Variants in LRRC75A observed in about 807,000 individuals in gnomAD.
The protein encoded by LRRC75A is leucine-rich repeat-containing protein 75A.
Under a neutral mutation model 26.0 loss-of-function variants are expected in LRRC75A, and 12 were observed. The ratio of observed to expected loss-of-function variants is 0.46; its 90% CI spans 0.30 to 0.75. The LOEUF is 0.75. LRRC75A is among the 30% of genes least tolerant of loss of function. The probability of loss-of-function intolerance (pLI) is 0.08; values close to 1 mark genes in which losing one functional copy is unlikely to be tolerated. For missense variants in LRRC75A, 410 were observed against 486.6 expected (o/e 0.84, Z 1.48); for synonymous variants, 223 against 219.3 (o/e 1.02, Z -0.15).
At chr17:16,471,943 G>C (rs887233015) in intron 1 of LRRC75A, among the ~76,000 whole-genome samples, 17 of 152,188 alleles carry the variant, frequency 1.1e-4, no homozygotes, top group African/African-American at 4.1e-4. Flanking sequence ...GGTGGGGACA[G>C]GGTTTCAGTT....
At chr17:16,444,309 C>T (rs747008421) in intron 3 of LRRC75A, among the ~76,000 whole-genome samples, 178 bp from the exon 4 acceptor site, 5 of 152,242 alleles carry the variant, frequency 3.3e-5, no homozygotes, top group African/African-American at 7.2e-5. Context: ...TCCCCTGACA[C>T]TGCCGCACGT....
chr17:16,491,919 G>A lies in LRRC75A; in HGVS notation c.72C>T (p.Arg24=). ...ASPGAAPGPR[R]ERPDFWASLL... ...GCGACGCCCAGAAGTCCGGCCGTTCGCGTCGGGGGCCCGGCGCGGCGCCGG... is the reference window on the plus strand; with the variant it reads ...GCGACGCCCAGAAGTCCGGCCGTTCACGTCGGGGGCCCGGCGCGGCGCCGG... Residue 24 remains arginine (R), a synonymous_variant, in exon 1 of 4, where the codon CGC becomes CGT. Coordinates refer to ENST00000470794, the MANE Select transcript of LRRC75A (RefSeq NM_001113567.3). The surrounding 1 kb of genome is among the most constrained non-coding windows in gnomAD (Gnocchi z 5.9). The A allele has an allele frequency of 7.9e-7, 1 of 1,259,854 alleles. No individual in the cohort carries two copies. The highest frequency in any genetic ancestry group is 9.9e-7 in the Non-Finnish European group (1 of 1,005,776). The allele number at this position is 1,259,854 out of a possible 1,614,324, so 78.0% of individuals were successfully genotyped here. A position where few individuals can be genotyped will look rare whatever the true frequency, so the allele number is the denominator to read the frequency against.
chr17:16,474,358 AT>A (rs1018623722), intron 1 of LRRC75A, among the ~76,000 whole-genome samples: 2 of 152,090 alleles, frequency 1.3e-5, no homozygotes, highest in African/African-American at 4.8e-5. Context: ...ACAAATAACC[AT>A]TTTCCTTTTC....
chr17:16,473,762 T>C (rs1390690763), intron 1 of LRRC75A, among the ~76,000 whole-genome samples: 1 of 152,200 alleles, frequency 6.6e-6, no homozygotes, highest in Non-Finnish European at 1.5e-5. Flanking sequence ...CAAGGCCACG[T>C]GGCCCCTGCA....
intron 1 of LRRC75A, among the ~76,000 whole-genome samples, chr17:16,476,902 C>G (rs183507189): frequency 6.6e-6 from 1 of 152,066 alleles, no homozygotes; most frequent in Non-Finnish European, 1.5e-5. Context: ...CCACGCCTGG[C>G]TAATTTTTTG....
At chr17:16,455,892 A>C (rs1444935154) in intron 2 of LRRC75A, among the ~76,000 whole-genome samples, 1 of 152,190 alleles carries the variant, frequency 6.6e-6, no homozygotes, top group Non-Finnish European at 1.5e-5. Context: ...AAGTGTTTCT[A>C]TCATTTACAA....
At chr17:16,455,666 C>CAT (rs1171044473) in intron 2 of LRRC75A, among the ~76,000 whole-genome samples, 1 of 152,122 alleles carries the variant, frequency 6.6e-6, no homozygotes, top group Non-Finnish European at 1.5e-5. Context: ...ACTATAGTCC[C>CAT]ATACCTTACT....
intron 1 of LRRC75A, among the ~76,000 whole-genome samples, chr17:16,475,087 C>G (rs1374618977): frequency 6.6e-6 from 1 of 151,978 alleles, no homozygotes; most frequent in Non-Finnish European, 1.5e-5. Context: ...CTTAGAGGAT[C>G]CTTCTGGCTC....
At chr17:16,489,570 G>T (rs987050709) in intron 1 of LRRC75A, among the ~76,000 whole-genome samples, 4 of 152,228 alleles carry the variant, frequency 2.6e-5, no homozygotes, top group Admixed American at 6.5e-5. Context: ...AGCCACTTCA[G>T]TGCACAGCAC....
chr17:16,443,688 C>T lies in LRRC75A; in HGVS notation c.935G>A (p.Arg312Gln), dbSNP rs750123027. The T allele has an allele frequency of 3.2e-5, 51 of 1,605,408 alleles. No individual in the cohort carries two copies. Among genetic ancestry groups the T allele is most frequent in the African/African-American group, 1.9e-4 (14 of 74,642 alleles). The part of the protein sequence containing the change: ...GEGPGSGEEV[R>Q]EGTVGQEDPG... ...GTCCTCCTGGCCTACTGTCCCTTCC[C>T]GGACCTCCTCCCCACTGCCTGGGCC... The change falls in exon 4 of 4, where the codon CGG (arginine) becomes CAG (glutamine). Residue 312 changes from arginine (R) to glutamine (Q), a missense_variant. Arg to Gln is a conservative substitution (Grantham distance 43). Transcript: ENST00000470794.
chr17:16,451,599 G>A (rs1338132735), intron 2 of LRRC75A, among the ~76,000 whole-genome samples: 1 of 148,600 alleles, frequency 6.7e-6, no homozygotes, highest in African/African-American at 2.5e-5. Flanking sequence ...TCCAGCCTGG[G>A]TGACAGAGTG....
chr17:16,443,625 T>A lies in LRRC75A; in HGVS notation c.998A>T (p.His333Leu). The A allele has an allele frequency of 6.5e-7, 1 of 1,546,614 alleles. No homozygotes were observed. The highest frequency in any genetic ancestry group is 1.2e-5 in the South Asian group (1 of 84,524). The change falls in exon 4 of 4, where the codon CAT (histidine) becomes CTT (leucine). Residue 333 changes from histidine (H) to leucine (L), a missense_variant. Transcript: ENST00000470794. ...GGPVAPAEDH[H>L]EGKETVAAAQ... ...TGCAGCTACAGTCTCCTTGCCCTCA[T>A]GGTGGTCTTCGGCAGGTGCCACAGG... is the stretch of plus-strand genomic sequence containing the variant.
In LRRC75A at chr17:16,491,222, A is replaced by G. The variant is rs899149258; in HGVS notation, c.246+523T>C. Reference sequence around the variant, plus strand: ...GGAGAGGAAACAGTCTCCTCCTTGAACTACAATCCAGGATGCCTCCCAGGC... The same window carrying G: ...GGAGAGGAAACAGTCTCCTCCTTGAGCTACAATCCAGGATGCCTCCCAGGC... On this transcript the variant is annotated intron_variant, in intron 1 of 3. Coordinates refer to ENST00000470794, the MANE Select transcript of LRRC75A (RefSeq NM_001113567.3). This position sits in a 1 kb window ranked among gnomAD's most constrained non-coding sequence, Gnocchi z 5.9. Among the ~76,000 whole-genome samples the G allele has an allele frequency of 2.6e-5, 4 of 152,178 alleles. No individual in the cohort carries two copies. Among genetic ancestry groups the G allele is most frequent in the African/African-American group, 9.7e-5 (4 of 41,446 alleles).
At chr17:16,470,213 C>T (rs529511626) in intron 1 of LRRC75A, 3 of 152,092 alleles carry the variant, frequency 2.0e-5, no homozygotes, top group East Asian at 1.9e-4. Context: ...AACCTCAACT[C>T]CCCCCTTCCC....
intron 2 of LRRC75A, among the ~76,000 whole-genome samples, chr17:16,453,348 G>GCACACA (rs147019550): frequency 2.3e-3 from 330 of 145,914 alleles, no homozygotes; most frequent in Non-Finnish European, 3.1e-3. Context: ...ACACGCACAC[G>GCACACA]CACACACACA....
intron 1 of LRRC75A, among the ~76,000 whole-genome samples, chr17:16,480,150 G>T (rs1345605473): frequency 6.6e-6 from 1 of 152,238 alleles, no homozygotes; most frequent in Non-Finnish European, 1.5e-5. Flanking sequence ...AGGAAAAGAA[G>T]CTCAGCGCCC....
In LRRC75A at chr17:16,443,734, T is replaced by G. The variant is rs1251168356; in HGVS notation, c.889A>C (p.Thr297Pro). 6.2e-7 allele frequency: 1 copy of G among 1,613,544 alleles called. No homozygotes were observed. Among genetic ancestry groups the G allele is most frequent in the Non-Finnish European group, 8.5e-7 (1 of 1,179,702 alleles). ...GGGCCCTCACCCAGCTCCAGGATGG[T>G]GGGTAGGTGGCCCTGCTTTGGGGAG... ...KRSPKQGHLP[T>P]ILELGEGPGS... Residue 297 changes from threonine (T) to proline (P), a missense_variant, in exon 4 of 4, where the codon ACC (threonine) becomes CCC (proline). Thr to Pro is a conservative substitution (Grantham distance 38). Transcript: ENST00000470794.
chr17:16,452,181 C>G (rs1286000520), intron 2 of LRRC75A, among the ~76,000 whole-genome samples: 1 of 63,564 alleles, frequency 1.6e-5, no homozygotes, highest in Non-Finnish European at 3.6e-5. Context: ...GTGAGACTTG[C>G]TCTCAAAAAA....
Position 16,491,779 on chromosome 17 carries a change from TC to T in LRRC75A, c.211del (p.Glu71ArgfsTer21). 1 of 1,422,056 alleles carries T rather than the reference TC, an allele frequency of 7.0e-7. No individual in the cohort carries two copies. The highest frequency in any genetic ancestry group is 1.4e-5 in the South Asian group (1 of 73,466). 88.1% of individuals were successfully genotyped at this position (1,422,056 alleles called of 1,614,324 possible). A position where few individuals can be genotyped will look rare whatever the true frequency, so the allele number is the denominator to read the frequency against. On this transcript the variant is annotated frameshift_variant, in exon 1 of 4. Coordinates refer to ENST00000470794, the MANE Select transcript of LRRC75A (RefSeq NM_001113567.3). LOFTEE classifies it high-confidence loss of function. This position sits in a 1 kb window ranked among gnomAD's most constrained non-coding sequence, Gnocchi z 5.9. Reference sequence around the variant, plus strand: ...GTGCTGCAGCAGCGTCCCCGCCTCCTCCCGCCGGCCCTGGCGCACCATCCGC... The same window carrying T: ...GTGCTGCAGCAGCGTCCCCGCCTCCTCCGCCGGCCCTGGCGCACCATCCGC... ...LLRMVRQGRR[E>X]EAGTLLQHLR... is the part of the protein sequence containing the mutation.
Sources: gnomAD v4.1 joint callset for allele counts (sites outside exome capture counted in the v4.1 genomes callset) on GRCh38, gnomAD v4.1.1 for gene constraint, Gnocchi (gnomAD v3.1) non-coding constraint, MANE v1.5 for transcripts, NCBI Gene and HGNC (gene_info 2026-07-23, HGNC 2026-07-21) for gene names.